Variants in NET1 observed in about 807,000 individuals in gnomAD.
NET1 encodes neuroepithelial cell-transforming gene 1 protein.
In NET1, 42 loss-of-function variants were observed where a neutral mutation model predicts 61.1. That is an observed-to-expected ratio of 0.69 (90% CI 0.54 to 0.89). The LOEUF (loss-of-function observed/expected upper bound fraction) is 0.89. NET1 is among the 40% of genes least tolerant of loss of function. The probability of loss-of-function intolerance (pLI) is 0.00; values close to 1 mark genes in which losing one functional copy is unlikely to be tolerated. For missense variants in NET1, 654 were observed against 747.3 expected, an observed-to-expected ratio of 0.88 and a Z score of 1.46; for synonymous variants, 254 against 281.8, an observed-to-expected ratio of 0.90 and a Z score of 0.99.
At position 5,451,296 on chromosome 10, in the gene NET1, T is replaced by C. The variant is rs1832698556; in HGVS notation, c.256-534T>C. Among the ~76,000 whole-genome samples the C allele has an allele frequency of 6.6e-6, 1 of 152,190 alleles. No individual in the cohort carries two copies. Among genetic ancestry groups the C allele is most frequent in the Non-Finnish European group, 1.5e-5 (1 of 68,028 alleles). ...TTTCAGCCCATTCCAGTGTCAGACA[T>C]GTTGATTGAAAGGTTGTATTTTCTA... On this transcript the variant is annotated intron_variant, in intron 3 of 11. Transcript: ENST00000355029. This position sits in a 1 kb window ranked among gnomAD's most constrained non-coding sequence, Gnocchi z 6.1.
rs192747829 is a variant in NET1, at chr10:5,458,974, C to T, written c.*1980C>T. ...AATGGAATTATGTTTTATTTAAAAC[C>T]GTATCTTCTTTTGGTTCCCTCAAAG... is the stretch of plus-strand genomic sequence containing the variant. On this transcript the variant is annotated 3_prime_UTR_variant, in exon 12 of 12. Transcript: ENST00000355029. This position sits in a 1 kb window ranked among gnomAD's most constrained non-coding sequence, Gnocchi z 4.5. 2.6e-5 allele frequency among the ~76,000 whole-genome samples: 4 copies of T among 152,164 alleles called. 1 individual carries two copies. Among genetic ancestry groups the T allele is most frequent in the East Asian group, 3.9e-4 (2 of 5,180 alleles).
intron 2 of NET1, among the ~76,000 whole-genome samples, chr10:5,428,049 T>C (rs867574765): frequency 0.2 from 26,699 of 131,708 alleles, 3,399 homozygotes; most frequent in Non-Finnish European, 0.24. Context: ...TTTTTTTTTT[T>C]TTTTTTTTTT....
rs763610743 is a variant in NET1, at chr10:5,452,374, G to A, written c.380G>A (p.Gly127Asp). 1.9e-6 allele frequency: 3 copies of A among 1,608,236 alleles called. No individual in the cohort carries two copies. The highest frequency in any genetic ancestry group is 2.2e-5 in the South Asian group (2 of 90,090). The change falls in exon 5 of 12, where the codon GGT (glycine) becomes GAT (aspartate). Residue 127 changes from glycine (G) to aspartate (D), a missense_variant. Gly to Asp is a moderately conservative substitution (Grantham distance 94). Transcript: ENST00000355029. The surrounding 1 kb of genome is among the most constrained non-coding windows in gnomAD (Gnocchi z 4.0). The part of the protein sequence containing the change: ...GQTIQSFTLR[G>D]DHRSPASAQK... ...TTTTTTAAGTCATTTACCCTTCGTG[G>A]TGACCACAGATCCCCAGCCTCTGCC... is the stretch of plus-strand genomic sequence containing the variant.
rs965446277 is a variant in NET1, at chr10:5,455,277, A to G, written c.1197+159A>G. Among the ~76,000 whole-genome samples the G allele has an allele frequency of 6.6e-6, 1 of 152,226 alleles. No individual in the cohort carries two copies. Among genetic ancestry groups the G allele is most frequent in the African/African-American group, 2.4e-5 (1 of 41,466 alleles). ...ATTACCAGCTTGATAAAGCCAACAA[A>G]GAAGATACCTTAAATGTCTCAGTGG... On this transcript the variant is annotated intron_variant, in intron 10 of 11. Transcript: ENST00000355029. The surrounding 1 kb of genome is among the most constrained non-coding windows in gnomAD (Gnocchi z 6.5).
At chr10:5,429,450 A>G (rs1273034720) in intron 3 of NET1, among the ~76,000 whole-genome samples, 3 of 152,182 alleles carry the variant, frequency 2.0e-5, no homozygotes, top group East Asian at 1.9e-4. Context: ...TCAAAATGTT[A>G]GGCTATAACT....
rs1205222575 is a variant in NET1 at position 5,455,949 on chromosome 10, A to G, written c.1198-138A>G. 1.2e-6 allele frequency: 1 copy of G among 807,600 alleles called. No individual in the cohort carries two copies. The highest frequency in any genetic ancestry group is 1.7e-5 in the African/African-American group (1 of 57,928). 50.0% of individuals were successfully genotyped at this position (807,600 alleles called of 1,614,324 possible). On this transcript the variant is annotated intron_variant, in intron 10 of 11. Transcript: ENST00000355029. The surrounding 1 kb of genome is among the most constrained non-coding windows in gnomAD (Gnocchi z 6.5). ...AGCCTTGAAATTGCCATCTTTATGG[A>G]TTACTAGATTTGTCACTTAGAGAGA...
At position 5,456,633 on chromosome 10, in the gene NET1, A is replaced by G. The variant is rs1408111953; in HGVS notation, c.1430A>G (p.Gln477Arg). ...CGCTTCCATGACCCCTCTCCAGCCCAGTCTCACACTCTGCAAGCCAATGAC... is the reference window on the plus strand; with the variant it reads ...CGCTTCCATGACCCCTCTCCAGCCCGGTCTCACACTCTGCAAGCCAATGAC... ...RIRFHDPSPAQSHTLQANDVF... is the reference protein window; with the variant it reads ...RIRFHDPSPARSHTLQANDVF... The change falls in exon 12 of 12, where the codon CAG becomes CGG. Residue 477 changes from glutamine to arginine, a missense_variant. Gln to Arg is a conservative substitution (Grantham distance 43). Transcript: ENST00000355029. The surrounding 1 kb of genome is among the most constrained non-coding windows in gnomAD (Gnocchi z 7.0). 6.3e-7 allele frequency: 1 copy of G among 1,584,096 alleles called. No homozygotes were observed. The highest frequency in any genetic ancestry group is 8.6e-7 in the Non-Finnish European group (1 of 1,165,474).
rs767299959 is a variant in NET1, at chr10:5,428,038, C to CCTTTT, written c.196-1132_196-1131insCTTTT. Among the ~76,000 whole-genome samples the CCTTTT allele has an allele frequency of 5.3e-5, 6 of 113,904 alleles. 2 individuals are homozygous for CCTTTT. Among genetic ancestry groups the CCTTTT allele is most frequent in the African/African-American group, 6.8e-5 (2 of 29,352 alleles). 74.7% of individuals were successfully genotyped at this position (113,904 alleles called of 152,430 possible). A position where few individuals can be genotyped will look rare whatever the true frequency, so the allele number is the denominator to read the frequency against. ...CACTTCTATCTGGACTTTGCCGTTC[C>CCTTTT]TTTTTTTTTTTTTTTTTTTTTTTTT... On this transcript the variant is annotated intron_variant, in intron 2 of 11. Transcript: ENST00000355029.
Position 5,415,105 on chromosome 10 carries a change from G to T in NET1, c.128+2285G>T, listed in dbSNP as rs141442837. The stretch of plus-strand genomic sequence containing the variant: ...GATAGTATTAATTGTGAGGCAAGAA[G>T]CAACTAAGCACTGTATCAGATTCAG... On this transcript the variant is annotated intron_variant, in intron 1 of 11. Transcript: ENST00000355029. This position sits in a 1 kb window ranked among gnomAD's most constrained non-coding sequence, Gnocchi z 4.7. Among the ~76,000 whole-genome samples the T allele has an allele frequency of 6.6e-6, 1 of 152,256 alleles. No individual in the cohort carries two copies. The highest frequency in any genetic ancestry group is 1.9e-4 in the East Asian group (1 of 5,186).
At chr10:5,429,019 C>T in intron 2 of NET1, 151 bp from the exon 3 acceptor site, 2 of 492,904 alleles carry the variant, frequency 4.1e-6, no homozygotes, top group Admixed American at 3.9e-5. Context: ...CAGACGTGAG[C>T]CACCGCGCCT....
rs1326381854 is a variant in NET1, at chr10:5,426,293, A to T, written c.129-362A>T. ...GTGAATATGTTGCTAAATTTTTTGCACTTAGGAAGTTTGTTTGCTGTTTTT... is the reference window on the plus strand; with the variant it reads ...GTGAATATGTTGCTAAATTTTTTGCTCTTAGGAAGTTTGTTTGCTGTTTTT... On this transcript the variant is annotated intron_variant, in intron 1 of 11. Coordinates refer to ENST00000355029, the MANE Select transcript of NET1 (RefSeq NM_001047160.3). The surrounding 1 kb of genome is among the most constrained non-coding windows in gnomAD (Gnocchi z 4.6). Among the ~76,000 whole-genome samples, 3 of 152,152 alleles carry T rather than the reference A, an allele frequency of 2.0e-5. No homozygotes were observed. Among genetic ancestry groups the T allele is most frequent in the Non-Finnish European group, 4.4e-5 (3 of 68,014 alleles).
rs1362098223 is a variant in NET1 at position 5,440,584 on chromosome 10, G to A, written c.256-11246G>A. On this transcript the variant is annotated intron_variant, in intron 3 of 11. Coordinates refer to ENST00000355029, the MANE Select transcript of NET1 (RefSeq NM_001047160.3). The surrounding 1 kb of genome is among the most constrained non-coding windows in gnomAD (Gnocchi z 4.1). ...GCTGATCTCTGCATTTTCTCCTGGT[G>A]TGCAATACTGCTTCTGACTTACCAT... is the stretch of plus-strand genomic sequence containing the variant. Among the ~76,000 whole-genome samples the A allele has an allele frequency of 6.6e-6, 1 of 152,206 alleles. No homozygotes were observed.
At position 5,447,409 on chromosome 10, in the gene NET1, T is replaced by G. The variant is rs1050432509; in HGVS notation, c.256-4421T>G. Among the ~76,000 whole-genome samples the G allele has an allele frequency of 1.3e-4, 20 of 152,240 alleles. No homozygotes were observed. Among genetic ancestry groups the G allele is most frequent in the Non-Finnish European group, 2.5e-4 (17 of 68,040 alleles). On this transcript the variant is annotated intron_variant, in intron 3 of 11. Coordinates refer to ENST00000355029, the MANE Select transcript of NET1 (RefSeq NM_001047160.3). This position sits in a 1 kb window ranked among gnomAD's most constrained non-coding sequence, Gnocchi z 4.1. ...TCCTTGCTTTGTCTGAGTCTTTTTT[T>G]AGTCTTTATGAACATTTATCAATAT...
chr10:5,444,903 CCTT>C lies in NET1; in HGVS notation c.256-6923_256-6921del, dbSNP rs1832581391. ...TTAGAATTTTCTTTCAAAGCTTGTT[CCTT>C]CTTATTTCTTGATTTGCACTAACAG... On this transcript the variant is annotated intron_variant, in intron 3 of 11. Coordinates refer to ENST00000355029, the MANE Select transcript of NET1 (RefSeq NM_001047160.3). This position sits in a 1 kb window ranked among gnomAD's most constrained non-coding sequence, Gnocchi z 5.3. 6.6e-6 allele frequency among the ~76,000 whole-genome samples: 1 copy of C among 152,192 alleles called. No individual in the cohort carries two copies. Among genetic ancestry groups the C allele is most frequent in the South Asian group, 2.1e-4 (1 of 4,836 alleles).
At chr10:5,433,813 T>C (rs923714900) in intron 3 of NET1, among the ~76,000 whole-genome samples, 1 of 152,118 alleles carries the variant, frequency 6.6e-6, no homozygotes, top group African/African-American at 2.4e-5. Context: ...TCTTTTAAAA[T>C]CTTTTCTATT....
rs1832767882 is a variant in NET1 at position 5,454,635 on chromosome 10, G to A, written c.1026+113G>A. ...CATCAGCATAGTGAATTGTTTTGTT[G>A]TTTTAAGTACCCAGTGCGTTAGTAC... On this transcript the variant is annotated intron_variant, in intron 9 of 11. Transcript: ENST00000355029. The surrounding 1 kb of genome is among the most constrained non-coding windows in gnomAD (Gnocchi z 8.1). 1 of 1,284,020 alleles carries A rather than the reference G, an allele frequency of 7.8e-7. No individual in the cohort carries two copies. The highest frequency in any genetic ancestry group is 1.5e-5 in the South Asian group (1 of 66,622). The allele number at this position is 1,284,020 out of a possible 1,614,324, so 79.5% of individuals were successfully genotyped here.
chr10:5,437,248 C>T lies in NET1; in HGVS notation c.255+8019C>T, dbSNP rs1174238390. Among the ~76,000 whole-genome samples, 1 of 152,086 alleles carries T rather than the reference C, an allele frequency of 6.6e-6. No homozygotes were observed. Among genetic ancestry groups the T allele is most frequent in the African/African-American group, 2.4e-5 (1 of 41,420 alleles). On this transcript the variant is annotated intron_variant, in intron 3 of 11. Coordinates refer to ENST00000355029, the MANE Select transcript of NET1 (RefSeq NM_001047160.3). This position sits in a 1 kb window ranked among gnomAD's most constrained non-coding sequence, Gnocchi z 4.3. ...TTCTTTTTATTTATCTATTTTCATA[C>T]AGTATGTGTAATGACTACAGATATA... is the stretch of plus-strand genomic sequence containing the variant.
Position 5,423,204 on chromosome 10 carries a change from T to C in NET1, c.129-3451T>C, listed in dbSNP as rs1832206024. The stretch of plus-strand genomic sequence containing the variant: ...AATGCATCTTGAGGGTAAATTATGC[T>C]TTTAAGAATGCTTTTTTCCTGTTGG... On this transcript the variant is annotated intron_variant, in intron 1 of 11. Transcript: ENST00000355029. The surrounding 1 kb of genome is among the most constrained non-coding windows in gnomAD (Gnocchi z 4.4). Among the ~76,000 whole-genome samples, 1 of 152,212 alleles carries C rather than the reference T, an allele frequency of 6.6e-6. No individual in the cohort carries two copies. Among genetic ancestry groups the C allele is most frequent in the Admixed American group, 6.5e-5 (1 of 15,288 alleles).
chr10:5,414,147 T>G (rs1002783540), intron 1 of NET1, among the ~76,000 whole-genome samples: 7 of 152,144 alleles, frequency 4.6e-5, no homozygotes, highest in Non-Finnish European at 1.0e-4. Context: ...ATTACTATAT[T>G]AACAGTGATA....
Sources: gnomAD v4.1 joint callset for allele counts (sites outside exome capture counted in the v4.1 genomes callset) on GRCh38, gnomAD v4.1.1 for gene constraint, Gnocchi (gnomAD v3.1) non-coding constraint, MANE v1.5 for transcripts, NCBI Gene and HGNC (gene_info 2026-07-23, HGNC 2026-07-21) for gene names.